DLGAP2: variants seen among roughly 807,000 people sequenced by gnomAD.
DLGAP2 encodes DLG associated protein 2.
Under a neutral mutation model 100.3 loss-of-function variants are expected in DLGAP2, and 26 were observed. The ratio of observed to expected loss-of-function variants is 0.26; its 90% CI spans 0.19 to 0.36. DLGAP2 has a LOEUF of 0.36. Among genes scored for constraint, DLGAP2 ranks in the 10% least tolerant of loss-of-function variants. DLGAP2 has a pLI of 1.00. For synonymous variants in DLGAP2, 886 were observed against 630.1 expected (o/e 1.41, Z -6.08); for missense variants, 1,858 against 1,453.2 (o/e 1.28, Z -4.53).
intron 2 of DLGAP2, among the ~76,000 whole-genome samples, chr8:1,126,495 G>A (rs552283249): frequency 4.3e-4 from 66 of 152,126 alleles, no homozygotes; most frequent in Admixed American, 2.7e-3. Flanking sequence ...GAGGGGCTGG[G>A]ATCTCTCATC....
intron 2 of DLGAP2, among the ~76,000 whole-genome samples, chr8:949,941 C>G (rs142269419): frequency 1.3e-5 from 2 of 152,182 alleles, no homozygotes; most frequent in Non-Finnish European, 2.9e-5. Context: ...GTGGAAGATA[C>G]TTATCTGGGC....
intron 2 of DLGAP2, among the ~76,000 whole-genome samples, chr8:1,195,914 A>T (rs961846864): frequency 6.6e-6 from 1 of 152,136 alleles, no homozygotes. Flanking sequence ...TTCTCCCACA[A>T]AGTGCAAGAA....
intron 1 of DLGAP2, among the ~76,000 whole-genome samples, chr8:777,680 C>G (rs927557945): frequency 6.6e-6 from 1 of 152,032 alleles, no homozygotes; most frequent in East Asian, 1.9e-4. Flanking sequence ...ATATTGGCCC[C>G]CACTCTCTTC....
chr8:1,023,708 C>G (rs1213161775), intron 2 of DLGAP2, among the ~76,000 whole-genome samples: 3 of 152,124 alleles, frequency 2.0e-5, no homozygotes, highest in East Asian at 1.9e-4. Context: ...CCATCGCAGC[C>G]CAGCCCTGCT....
intron 3 of DLGAP2, among the ~76,000 whole-genome samples, chr8:1,283,063 C>G (rs1356085695): frequency 6.8e-6 from 1 of 147,182 alleles, no homozygotes; most frequent in Non-Finnish European, 1.5e-5. Flanking sequence ...GTGACCTGAA[C>G]CCAGCACGTG....
At chr8:800,511 C>T (rs1168185792) in intron 1 of DLGAP2, among the ~76,000 whole-genome samples, 1 of 152,198 alleles carries the variant, frequency 6.6e-6, no homozygotes, top group Non-Finnish European at 1.5e-5. Flanking sequence ...CACAGCTGGG[C>T]CGGGGCCTGT....
At chr8:1,352,769 G>T (rs1801764908) in intron 3 of DLGAP2, among the ~76,000 whole-genome samples, 1 of 152,104 alleles carries the variant, frequency 6.6e-6, no homozygotes, top group Admixed American at 6.5e-5. Context: ...TCTGAGGTTG[G>T]TACTTTTCCA....
intron 6 of DLGAP2, among the ~76,000 whole-genome samples, chr8:1,610,188 C>A (rs1243871435): frequency 6.6e-6 from 1 of 152,236 alleles, no homozygotes; most frequent in East Asian, 1.9e-4. Context: ...AACAAACTAT[C>A]TCTCAGACCA....
intron 1 of DLGAP2, among the ~76,000 whole-genome samples, chr8:836,526 G>T (rs1365219480): frequency 6.6e-6 from 1 of 152,196 alleles, no homozygotes; most frequent in Non-Finnish European, 1.5e-5. Context: ...TGGCAGGTGC[G>T]GGGGCACACA....
intron 8 of DLGAP2, among the ~76,000 whole-genome samples, chr8:1,665,785 T>C (rs1202350769): frequency 6.6e-6 from 1 of 152,238 alleles, no homozygotes; most frequent in Admixed American, 6.5e-5. Context: ...AGACGTGTCA[T>C]TGATGATAAA....
chr8:1,455,334 C>G (rs1229422988), intron 3 of DLGAP2, among the ~76,000 whole-genome samples: 1 of 152,244 alleles, frequency 6.6e-6, no homozygotes, highest in Non-Finnish European at 1.5e-5. Context: ...GGTGGGGTTT[C>G]CCGATGGTGG....
intron 2 of DLGAP2, among the ~76,000 whole-genome samples, chr8:1,125,024 C>T (rs1796133888): frequency 6.6e-6 from 1 of 152,238 alleles, no homozygotes; most frequent in South Asian, 2.1e-4. Flanking sequence ...GACTGTCCAG[C>T]ACCTCCTCGT....
intron 3 of DLGAP2, among the ~76,000 whole-genome samples, chr8:1,500,797 C>T (rs576833621): frequency 3.3e-5 from 5 of 152,360 alleles, no homozygotes; most frequent in Admixed American, 1.3e-4. Context: ...TGCCAGTGAC[C>T]TGGGTGATCT....
At chr8:1,246,029 A>T (rs1798894357) in intron 2 of DLGAP2, among the ~76,000 whole-genome samples, 1 of 152,168 alleles carries the variant, frequency 6.6e-6, no homozygotes, top group Non-Finnish European at 1.5e-5. Flanking sequence ...TTTCATGTTG[A>T]TATTTGTTCC....
chr8:1,258,946 G>T, intron 3 of DLGAP2, 63 bp downstream of exon 3: 2 of 1,201,272 alleles, frequency 1.7e-6, no homozygotes, highest in Non-Finnish European at 2.1e-6. Flanking sequence ...TGTGTGGCTG[G>T]CAACAGTCTA....
rs1382029141 is a variant in DLGAP2, at chr8:1,702,378, C to T, written c.*972C>T. 2 of 151,298 alleles carry T rather than the reference C, an allele frequency of 1.3e-5. No homozygotes were observed. The highest frequency in any genetic ancestry group is 2.9e-5 in the Non-Finnish European group (2 of 67,806). The allele number at this position is 151,298 out of a possible 1,614,324, so 9.4% of individuals were successfully genotyped here. On this transcript the variant is annotated 3_prime_UTR_variant, in exon 15 of 15. Transcript: ENST00000637795. The stretch of plus-strand genomic sequence containing the variant: ...GGGTATCCTTAAAAAAAAACACACA[C>T]GAAAAACAAAAGTTTGCTTGTTTAA...
intron 2 of DLGAP2, among the ~76,000 whole-genome samples, chr8:1,089,030 C>A: frequency 7.4e-6 from 1 of 135,446 alleles, no homozygotes; most frequent in Non-Finnish European, 1.6e-5. Flanking sequence ...CACCCCTCAT[C>A]CAGCAGGCTA....
At chr8:1,029,745 G>A (rs1348559994) in intron 2 of DLGAP2, among the ~76,000 whole-genome samples, 1 of 152,178 alleles carries the variant, frequency 6.6e-6, no homozygotes, top group Non-Finnish European at 1.5e-5. Flanking sequence ...AGTTACAGGG[G>A]ATGGAAAGTC....
intron 3 of DLGAP2, among the ~76,000 whole-genome samples, chr8:1,314,118 A>G (rs531231620): frequency 6.6e-6 from 1 of 152,370 alleles, no homozygotes; most frequent in South Asian, 2.1e-4. Context: ...TATTGGTTTC[A>G]AATTTTGAAA....
Sources: allele counts gnomAD v4.1 joint callset (sites outside exome capture counted in the v4.1 genomes callset), GRCh38; gene constraint gnomAD v4.1.1; transcripts MANE v1.5; gene names NCBI Gene and HGNC (gene_info 2026-07-23, HGNC 2026-07-21).